Variants in PRRC2C observed in about 807,000 individuals in gnomAD.
The protein encoded by PRRC2C is proline rich coiled-coil 2C.
Under a neutral mutation model 317.2 loss-of-function variants are expected in PRRC2C, and 72 were observed. That is an observed-to-expected ratio of 0.23 (90% CI 0.19 to 0.28). PRRC2C has a LOEUF of 0.28. PRRC2C is among the 10% of genes least tolerant of loss of function. PRRC2C has a pLI of 1.00. For synonymous variants in PRRC2C, 1,296 were observed against 1,205.9 expected (o/e 1.07, Z -1.55); for missense variants, 3,074 against 3,459.7 (o/e 0.89, Z 2.80).
chr1:171,541,456 A>G lies in PRRC2C; in HGVS notation c.3990A>G (p.Lys1330=), dbSNP rs2102497688. 6.2e-7 allele frequency: 1 copy of G among 1,613,906 alleles called. No individual in the cohort carries two copies. Among genetic ancestry groups the G allele is most frequent in the Non-Finnish European group, 8.5e-7 (1 of 1,179,836 alleles). ...AGCCTTATGTAAGGGATGACGATAA[A>G]GCTAAACCAGGCTTTCTTCCTAAAG... is the stretch of plus-strand genomic sequence containing the variant. The part of the protein sequence containing the change: ...LEKPYVRDDD[K]AKPGFLPKGE... Residue 1330 remains lysine (K), a synonymous_variant, in exon 16 of 35, where the codon AAA becomes AAG. Transcript: ENST00000647382. This position sits in a 1 kb window ranked among gnomAD's most constrained non-coding sequence, Gnocchi z 4.1.
chr1:171,571,285 A>T, intron 23 of PRRC2C, 35 bp from the exon 24 acceptor site: 2 of 1,256,428 alleles, frequency 1.6e-6, no homozygotes, highest in Non-Finnish European at 2.3e-6. Context: ...GTAGACACAT[A>T]GTTAGATTGT....
In PRRC2C at chr1:171,541,494, G is replaced by C; in HGVS notation, c.4028G>C (p.Arg1343Thr). The change falls in exon 16 of 35, where the codon AGG becomes ACG. Residue 1343 changes from arginine to threonine, a missense_variant. By Grantham distance (71) the Arg-to-Thr change is moderately conservative. Coordinates refer to ENST00000647382, the MANE Select transcript of PRRC2C (RefSeq NM_001387844.1). This position sits in a 1 kb window ranked among gnomAD's most constrained non-coding sequence, Gnocchi z 4.1. ...TTTCTTCCTAAAGGAGAGCCTACAA[G>C]GAGAGGCAGAGGGGGAACATTCAGG... ...PGFLPKGEPTRRGRGGTFRRG... is the reference protein window; with the variant it reads ...PGFLPKGEPTTRGRGGTFRRG... The C allele has an allele frequency of 6.2e-7, 1 of 1,613,694 alleles. No homozygotes were observed. Among genetic ancestry groups the C allele is most frequent in the Non-Finnish European group, 8.5e-7 (1 of 1,179,764 alleles).
chr1:171,548,529 A>G (rs981004753), intron 17 of PRRC2C, among the ~76,000 whole-genome samples: 3 of 152,196 alleles, frequency 2.0e-5, no homozygotes, highest in Admixed American at 6.5e-5. Flanking sequence ...CAATTAAAAC[A>G]TGGTATATTG....
rs1175772170 is a variant in PRRC2C, at chr1:171,541,893, A to C, written c.4427A>C (p.Asp1476Ala). ...VAQEPVNTLGDISGNKTPDLS... is the reference protein window; with the variant it reads ...VAQEPVNTLGAISGNKTPDLS... ...CAAGAACCAGTTAATACTCTTGGGG[A>C]TATTTCCGGGAATAAGACACCAGAT... Residue 1476 changes from aspartate (D) to alanine (A), a missense_variant, in exon 16 of 35, where the codon GAT (aspartate) becomes GCT (alanine). By Grantham distance (126) the Asp-to-Ala change is moderately radical. Coordinates refer to ENST00000647382, the MANE Select transcript of PRRC2C (RefSeq NM_001387844.1). The surrounding 1 kb of genome is among the most constrained non-coding windows in gnomAD (Gnocchi z 4.1). 2 of 1,613,826 alleles carry C rather than the reference A, an allele frequency of 1.2e-6. No individual in the cohort carries two copies. Among genetic ancestry groups the C allele is most frequent in the East Asian group, 2.2e-5 (1 of 44,874 alleles).
chr1:171,556,064 C>T lies in PRRC2C; in HGVS notation c.5128-1176C>T, dbSNP rs150539793. Among the ~76,000 whole-genome samples the T allele has an allele frequency of 3.3e-3, 504 of 152,308 alleles. 3 individuals carry two copies. The highest frequency in any genetic ancestry group is 5.7e-3 in the Admixed American group (88 of 15,306). ...ACAGAGTCAGGCAGGCCTCATTGAA[C>T]TGCGGTGGGCTCCCCGCAGTTCAAG... On this transcript the variant is annotated intron_variant, in intron 18 of 34. Transcript: ENST00000647382.
intron 20 of PRRC2C, among the ~76,000 whole-genome samples, chr1:171,563,688 C>T (rs969188641): frequency 1.1e-4 from 17 of 152,222 alleles, no homozygotes; most frequent in Admixed American, 6.5e-4. Context: ...CTTAGTAGGT[C>T]TAGAGTAGGC....
chr1:171,497,357 CTG>C (rs1194840241), intron 1 of PRRC2C, among the ~76,000 whole-genome samples: 1 of 152,214 alleles, frequency 6.6e-6, no homozygotes, highest in Non-Finnish European at 1.5e-5. Context: ...CTTTCCAGCT[CTG>C]TGTGTTTTGA....
intron 20 of PRRC2C, among the ~76,000 whole-genome samples, chr1:171,565,267 C>T (rs1558014305): frequency 6.6e-6 from 1 of 152,180 alleles, no homozygotes; most frequent in African/African-American, 2.4e-5. Flanking sequence ...AGTGTGTCCT[C>T]CTCAGGGGCT....
intron 15 of PRRC2C, among the ~76,000 whole-genome samples, chr1:171,537,758 T>C (rs553406059): frequency 1.2e-4 from 19 of 152,144 alleles, no homozygotes; most frequent in Non-Finnish European, 2.4e-4. Context: ...CAGGCTGGAG[T>C]GCGTTGGTAT....
At chr1:171,537,514 T>A (rs1484180815) in intron 15 of PRRC2C, 41 bp downstream of exon 15, 1 of 1,506,402 alleles carries the variant, frequency 6.6e-7, no homozygotes, top group African/African-American at 1.4e-5. Context: ...ACAGAATATT[T>A]TGGTAAAAGG....
chr1:171,590,812 A>G (rs2102908207), intron 34 of PRRC2C, among the ~76,000 whole-genome samples: 1 of 152,224 alleles, frequency 6.6e-6, no homozygotes, highest in Non-Finnish European at 1.5e-5. Context: ...TTGGCTCTTG[A>G]TTTTCGCATA....
chr1:171,524,800 T>G, intron 9 of PRRC2C, 21 bp from the exon 10 acceptor site: 1 of 1,534,010 alleles, frequency 6.5e-7, no homozygotes, highest in Non-Finnish European at 8.8e-7. Flanking sequence ...ACTTTATTTC[T>G]TCTGCATTTT....
At chr1:171,534,304 C>T (rs537056394) in intron 12 of PRRC2C, among the ~76,000 whole-genome samples, 19 of 151,836 alleles carry the variant, frequency 1.3e-4, no homozygotes, top group Non-Finnish European at 2.1e-4. Context: ...GAAGATTGCT[C>T]ATAACACCAA....
intron 1 of PRRC2C, among the ~76,000 whole-genome samples, chr1:171,488,927 G>A (rs1199429835): frequency 2.0e-5 from 3 of 152,032 alleles, no homozygotes; most frequent in Non-Finnish European, 2.9e-5. Context: ...ATCATTTGAG[G>A]AGCACGTCTA....
rs14798 is a variant in PRRC2C, at chr1:171,532,523, A to C, written c.1435A>C (p.Arg479=). The change falls in exon 12 of 35, where the codon AGG becomes CGG. Residue 479 remains arginine (R), a synonymous_variant. Coordinates refer to ENST00000647382, the MANE Select transcript of PRRC2C (RefSeq NM_001387844.1). Reference sequence around the variant, plus strand: ...GGAAGAGCGAAGAATGGAAGAACAAAGGAAGGCAGCTTGTGCGGAGAAACT... The same window carrying C: ...GGAAGAGCGAAGAATGGAAGAACAACGGAAGGCAGCTTGTGCGGAGAAACT... ...EEEERRMEEQ[R]KAACAEKLKR... 8.7e-6 allele frequency: 14 copies of C among 1,604,708 alleles called. No individual in the cohort carries two copies. Among genetic ancestry groups the C allele is most frequent in the Non-Finnish European group, 1.2e-5 (14 of 1,175,722 alleles).
Position 171,513,171 on chromosome 1 carries a change from A to G in PRRC2C, c.289A>G (p.Lys97Glu). 1 of 1,607,656 alleles carries G rather than the reference A, an allele frequency of 6.2e-7. No homozygotes were observed. The highest frequency in any genetic ancestry group is 8.5e-7 in the Non-Finnish European group (1 of 1,177,178). Reference protein sequence around the residue: ...ASKQEQHEEEKTPEVPPAQPK... With the variant: ...ASKQEQHEEEETPEVPPAQPK... ...AAAACAAGAGCAACATGAAGAAGAAAAGTGAGTCAAAGTCTGTTAAAGAAT... is the reference window on the plus strand; with the variant it reads ...AAAACAAGAGCAACATGAAGAAGAAGAGTGAGTCAAAGTCTGTTAAAGAAT... The change falls in exon 3 of 35, where the codon AAA becomes GAA. Residue 97 changes from lysine (K) to glutamate (E), a missense_variant and splice_region_variant. Around this residue, in one of 11 missense-constraint regions of PRRC2C, gnomAD observed 71 missense variants for 118.9 expected, o/e 0.60. Coordinates refer to ENST00000647382, the MANE Select transcript of PRRC2C (RefSeq NM_001387844.1).
intron 18 of PRRC2C, among the ~76,000 whole-genome samples, chr1:171,554,376 G>A (rs1320457748): frequency 6.6e-6 from 1 of 152,122 alleles, no homozygotes; most frequent in Non-Finnish European, 1.5e-5. Context: ...TACGTGAGAT[G>A]GGTCTCCTGA....
chr1:171,587,215 A>G lies in PRRC2C; in HGVS notation c.7962A>G (p.Thr2654=), dbSNP rs1650245574. ...CACAGCATAGCATGATTGCAACCAC[A>G]GGAAAAGTAAGTAAAGAGACATTTG... ...AGTQHSMIAT[T]GKMSEMELKA... is the part of the protein sequence containing the mutation. Residue 2654 remains threonine (T), a synonymous_variant, in exon 31 of 35, where the codon ACA becomes ACG. Coordinates refer to ENST00000647382, the MANE Select transcript of PRRC2C (RefSeq NM_001387844.1). 6.3e-7 allele frequency: 1 copy of G among 1,595,222 alleles called. No individual in the cohort carries two copies. Among genetic ancestry groups the G allele is most frequent in the African/African-American group, 1.3e-5 (1 of 74,754 alleles).
intron 10 of PRRC2C, among the ~76,000 whole-genome samples, chr1:171,525,182 A>G (rs1241941749): frequency 1.3e-5 from 2 of 152,226 alleles, no homozygotes; most frequent in East Asian, 3.8e-4. Flanking sequence ...AGTGAAAACT[A>G]AAGCTTCACA....
Sources: gnomAD v4.1 joint callset for allele counts (sites outside exome capture counted in the v4.1 genomes callset) on GRCh38, gnomAD v4.1.1 for gene constraint, gnomAD v4.1.1 regional missense constraint, Gnocchi (gnomAD v3.1) non-coding constraint, MANE v1.5 for transcripts, NCBI Gene and HGNC (gene_info 2026-07-23, HGNC 2026-07-21) for gene names.